The following SUV39H2 variants were observed in gnomAD, a reference collection of about 807,000 sequenced individuals.
SUV39H2 encodes the protein histone-lysine N-methyltransferase SUV39H2.
Under a neutral mutation model 47.5 loss-of-function variants are expected in SUV39H2, and 10 were observed. The observed-to-expected ratio is 0.21, with a 90% CI of 0.13 to 0.36. The LOEUF is 0.36. Among genes scored for constraint, SUV39H2 ranks in the 10% least tolerant of loss-of-function variants. The pLI is 1.00. For synonymous variants in SUV39H2, 159 were observed against 166.8 expected (o/e 0.95, Z 0.36); for missense variants, 266 against 487.4 (o/e 0.55, Z 4.28).
chr10:14,888,902 C>T (rs1458976645), intron 2 of SUV39H2, among the ~76,000 whole-genome samples: 4 of 152,012 alleles, frequency 2.6e-5, no homozygotes, highest in African/African-American at 9.7e-5. Flanking sequence ...GTCGGGAGTT[C>T]GAATCAGCCT....
chr10:14,881,079 A>G (rs2131667662), intron 1 of SUV39H2, among the ~76,000 whole-genome samples: 1 of 152,354 alleles, frequency 6.6e-6, no homozygotes, highest in South Asian at 2.1e-4. Flanking sequence ...TTTAAAGTAT[A>G]TTTTAGATAT....
intron 1 of SUV39H2, among the ~76,000 whole-genome samples, chr10:14,879,443 C>T (rs187511982): frequency 6.6e-6 from 1 of 152,136 alleles, no homozygotes; most frequent in Non-Finnish European, 1.5e-5. Flanking sequence ...AGCGAGGAAT[C>T]CCCCCCAAGG....
rs141509653 is a variant in SUV39H2 at position 14,899,424 on chromosome 10, A to C, written c.850-115A>C. On this transcript the variant is annotated intron_variant, in intron 3 of 5. Transcript: ENST00000354919. ...TTGTGTGAATGTTTGCTTTGATGACACCTGAATTTCTTACTTTTTAAATAT... is the reference window on the plus strand; with the variant it reads ...TTGTGTGAATGTTTGCTTTGATGACCCCTGAATTTCTTACTTTTTAAATAT... 5.1e-3 allele frequency: 5,681 copies of C among 1,121,400 alleles called. 250 individuals carry two copies. The Admixed American group carries it at 0.086, about 17-fold the overall frequency. The allele number at this position is 1,121,400 out of a possible 1,614,324, so 69.5% of individuals were successfully genotyped here.
Position 14,897,203 on chromosome 10 carries a change from C to G in SUV39H2, c.535C>G (p.Pro179Ala). 1 of 1,613,836 alleles carries G rather than the reference C, an allele frequency of 6.2e-7. No homozygotes were observed. Residue 179 changes from proline to alanine, a missense_variant, in exon 3 of 6, where the codon CCT becomes GCT. Pro to Ala is a conservative substitution (Grantham distance 27). This residue lies in a region of SUV39H2 where 91 missense variants were observed against 110.9 expected (regional missense o/e 0.82). Transcript: ENST00000354919. ...TTACATTAACGAATACAAACCAGCT[C>G]CTGGAATCAGCTTAGTCAATGAAGC... The part of the protein sequence containing the change: ...FYYINEYKPA[P>A]GISLVNEATF...
chr10:14,880,359 C>G (rs1344912119), intron 1 of SUV39H2, among the ~76,000 whole-genome samples: 2 of 152,154 alleles, frequency 1.3e-5, no homozygotes, highest in Non-Finnish European at 2.9e-5. Context: ...CAAGTGTTCT[C>G]CCTTCCCTGA....
chr10:14,891,860 T>G (rs536562449), intron 2 of SUV39H2, among the ~76,000 whole-genome samples: 49 of 152,320 alleles, frequency 3.2e-4, no homozygotes, highest in Middle Eastern at 6.8e-3. Flanking sequence ...CATCAGCATA[T>G]AATTATTAGT....
Position 14,897,536 on chromosome 10 carries a change from G to A in SUV39H2, c.849+19G>A, listed in dbSNP as rs370102250. 4.7e-6 allele frequency: 7 copies of A among 1,491,710 alleles called. No homozygotes were observed. Among genetic ancestry groups the A allele is most frequent in the Middle Eastern group, 1.8e-4 (1 of 5,554 alleles). The allele number at this position is 1,491,710 out of a possible 1,614,324, so 92.4% of individuals were successfully genotyped here. A position where few individuals can be genotyped will look rare whatever the true frequency, so the allele number is the denominator to read the frequency against. ...TGGAGAGGTATGTTTCATTTGCCAC[G>A]TAGTAAATGATGGACATGCAAGGTT... On this transcript the variant is annotated intron_variant, in intron 3 of 5. Transcript: ENST00000354919.
rs1360165932 is a variant in SUV39H2, at chr10:14,894,468, C to T, written c.178-2378C>T. Among the ~76,000 whole-genome samples, 3 of 77,178 alleles carry T rather than the reference C, an allele frequency of 3.9e-5. 1 individual carries two copies. The highest frequency in any genetic ancestry group is 4.5e-5 in the Non-Finnish European group (2 of 44,276). The allele number at this position is 77,178 out of a possible 152,430, so 50.6% of individuals were successfully genotyped here. ...CTGCAAGCTCCGCCTCCCGGGTTCA[C>T]GCCATTCTCCTGCCTCAGCCTCCCG... On this transcript the variant is annotated intron_variant, in intron 2 of 5. Coordinates refer to ENST00000354919, the MANE Select transcript of SUV39H2 (RefSeq NM_001193424.2).
At chr10:14,891,489 A>G (rs1483966009) in intron 2 of SUV39H2, among the ~76,000 whole-genome samples, 3 of 152,234 alleles carry the variant, frequency 2.0e-5, no homozygotes, top group Non-Finnish European at 4.4e-5. Context: ...TCCATAGTAA[A>G]GAAGGATAGA....
chr10:14,889,994 G>A (rs1833337075), intron 2 of SUV39H2, among the ~76,000 whole-genome samples: 1 of 152,202 alleles, frequency 6.6e-6, no homozygotes, highest in African/African-American at 2.4e-5. Context: ...AGCTTAGTAA[G>A]CTGAGCAACA....
Position 14,897,527 on chromosome 10 carries a change from A to G in SUV39H2, c.849+10A>G, listed in dbSNP as rs764623774. 6 of 1,508,454 alleles carry G rather than the reference A, an allele frequency of 4.0e-6. No homozygotes were observed. The highest frequency in any genetic ancestry group is 5.3e-6 in the Non-Finnish European group (6 of 1,126,068). The allele number at this position is 1,508,454 out of a possible 1,614,324, so 93.4% of individuals were successfully genotyped here. Reference sequence around the variant, plus strand: ...GGAATATGTTGGAGAGGTATGTTTCATTTGCCACGTAGTAAATGATGGACA... The same window carrying G: ...GGAATATGTTGGAGAGGTATGTTTCGTTTGCCACGTAGTAAATGATGGACA... On this transcript the variant is annotated intron_variant, in intron 3 of 5. Coordinates refer to ENST00000354919, the MANE Select transcript of SUV39H2 (RefSeq NM_001193424.2).
At chr10:14,884,724 T>C (rs1833151042) in intron 2 of SUV39H2, among the ~76,000 whole-genome samples, 1 of 152,212 alleles carries the variant, frequency 6.6e-6, no homozygotes, top group African/African-American at 2.4e-5. Flanking sequence ...CATTTAACAC[T>C]GTTGGCTACC....
chr10:14,901,014 C>G, intron 4 of SUV39H2, 119 bp from the exon 5 acceptor site: 1 of 1,351,906 alleles, frequency 7.4e-7, no homozygotes, highest in East Asian at 2.4e-5. Context: ...AAGCAATAAG[C>G]AACTTAATTT....
Position 14,881,871 on chromosome 10 carries a change from T to C in SUV39H2, c.177+226T>C, listed in dbSNP as rs775240667. ...ATATTTTCAGGTGCTCATATCCCTCTACATCCAACTCTTGATTATCTCCGT... is the reference window on the plus strand; with the variant it reads ...ATATTTTCAGGTGCTCATATCCCTCCACATCCAACTCTTGATTATCTCCGT... On this transcript the variant is annotated intron_variant, in intron 2 of 5. Coordinates refer to ENST00000354919, the MANE Select transcript of SUV39H2 (RefSeq NM_001193424.2). 7.2e-4 allele frequency among the ~76,000 whole-genome samples: 109 copies of C among 152,262 alleles called. 1 individual carries two copies. The highest frequency in any genetic ancestry group is 1.3e-4 in the Non-Finnish European group (9 of 68,048).
At position 14,903,368 on chromosome 10, in the gene SUV39H2, C is replaced by T. The variant is rs1834148060; in HGVS notation, c.*856C>T. The T allele has an allele frequency of 1.3e-5, 2 of 152,128 alleles. No homozygotes were observed. Among genetic ancestry groups the T allele is most frequent in the South Asian group, 4.1e-4 (2 of 4,828 alleles). The allele number at this position is 152,128 out of a possible 1,614,324, so 9.4% of individuals were successfully genotyped here. On this transcript the variant is annotated 3_prime_UTR_variant, in exon 6 of 6. Coordinates refer to ENST00000354919, the MANE Select transcript of SUV39H2 (RefSeq NM_001193424.2). ...CTGTGTCGAGTACCTCTGATCTAAACGGTAAAACAAGCTGCCTGGAGAGCA... is the reference window on the plus strand; with the variant it reads ...CTGTGTCGAGTACCTCTGATCTAAATGGTAAAACAAGCTGCCTGGAGAGCA...
intron 1 of SUV39H2, chr10:14,879,173 C>G (rs1003323722): frequency 3.4e-6 from 4 of 1,166,770 alleles, no homozygotes; most frequent in South Asian, 4.1e-5. Context: ...GGAGCGTGGC[C>G]TCTCCGCCCG....
intron 2 of SUV39H2, among the ~76,000 whole-genome samples, chr10:14,895,973 G>A (rs1288238858): frequency 1.4e-5 from 2 of 145,494 alleles, no homozygotes; most frequent in African/African-American, 2.6e-5. Flanking sequence ...ACTGAGTCTC[G>A]CACTCTGTCG....
At chr10:14,883,849 C>T (rs1198425464) in intron 2 of SUV39H2, among the ~76,000 whole-genome samples, 2 of 152,114 alleles carry the variant, frequency 1.3e-5, no homozygotes, top group African/African-American at 4.8e-5. Context: ...CCTCAGTTAC[C>T]CTTCTACCTC....
At chr10:14,901,548 T>TG (rs1377367529) in intron 5 of SUV39H2, among the ~76,000 whole-genome samples, 1 of 151,558 alleles carries the variant, frequency 6.6e-6, no homozygotes, top group African/African-American at 2.4e-5. Flanking sequence ...TACTTGTCTT[T>TG]TTTTTTTTTT....
Sources: allele counts gnomAD v4.1 joint callset (sites outside exome capture counted in the v4.1 genomes callset), GRCh38; gene constraint gnomAD v4.1.1; regional missense constraint gnomAD v4.1.1; transcripts MANE v1.5; gene names NCBI Gene and HGNC (gene_info 2026-07-23, HGNC 2026-07-21).